The following DNAH11 variants were observed in gnomAD, a reference collection of about 807,000 sequenced individuals.
DNAH11 encodes the protein dynein axonemal heavy chain 11.
A neutral mutation model predicts 526.0 loss-of-function variants in DNAH11; 442 were observed. That is an observed-to-expected ratio of 0.84 (90% CI 0.78 to 0.91). DNAH11 has a LOEUF of 0.91. Among genes scored for constraint, DNAH11 ranks in the 40% least tolerant of loss-of-function variants. The pLI is 0.00. For missense variants in DNAH11, 6,989 were observed against 5,448.7 expected (o/e 1.28, Z -8.90); for synonymous variants, 2,461 against 1,935.9 (o/e 1.27, Z -7.12).
intron 73 of DNAH11, among the ~76,000 whole-genome samples, chr7:21,869,225 A>T (rs148797976): frequency 6.6e-6 from 1 of 152,208 alleles, no homozygotes; most frequent in Non-Finnish European, 1.5e-5. Flanking sequence ...AATTAAAACT[A>T]TTAGGAAGAA....
chr7:21,715,359 T>G lies in DNAH11; in HGVS notation c.6984-2416T>G, dbSNP rs182761435. Among the ~76,000 whole-genome samples, 636 of 152,310 alleles carry G rather than the reference T, an allele frequency of 4.2e-3. 4 individuals carry two copies. Among genetic ancestry groups the G allele is most frequent in the Middle Eastern group, 0.01 (3 of 294 alleles). On this transcript the variant is annotated intron_variant, in intron 42 of 81. Coordinates refer to ENST00000409508, the MANE Select transcript of DNAH11 (RefSeq NM_001277115.2). ...CAGTTCTGCAGGAAGGAGAAACAAC[T>G]GAGCTGCTGATAGGAGGACTCATTT...
At position 21,589,219 on chromosome 7, in the gene DNAH11, A is replaced by G. The variant is rs772972024; in HGVS notation, c.1985A>G (p.Asn662Ser). 4.4e-6 allele frequency: 7 copies of G among 1,603,462 alleles called. No individual in the cohort carries two copies. The South Asian group carries it at 5.7e-5, about 13-fold the overall frequency. The stretch of plus-strand genomic sequence containing the variant: ...CCTTATTCCTACAGATTTTTGGGCA[A>G]TCCTGATCACGCTTTAGTTTATCAA... Reference protein sequence around the residue: ...FASLRYLFLGNPDHALVYQKY... With the variant: ...FASLRYLFLGSPDHALVYQKY... Residue 662 changes from asparagine (N) to serine (S), a missense_variant, in exon 12 of 82, where the codon AAT becomes AGT. Asn to Ser is a conservative substitution (Grantham distance 46). Coordinates refer to ENST00000409508, the MANE Select transcript of DNAH11 (RefSeq NM_001277115.2).
intron 68 of DNAH11, among the ~76,000 whole-genome samples, chr7:21,854,781 G>C (rs1033558298): frequency 6.6e-6 from 1 of 151,948 alleles, no homozygotes; most frequent in Non-Finnish European, 1.5e-5. Flanking sequence ...GACCTCAAAT[G>C]ATCTCCCCTC....
chr7:21,761,021 T>A (rs1480231948), intron 54 of DNAH11, among the ~76,000 whole-genome samples: 1 of 152,212 alleles, frequency 6.6e-6, no homozygotes, highest in Admixed American at 6.5e-5. Flanking sequence ...GGGAAAATTA[T>A]TTGGAATGAT....
chr7:21,683,914 C>G lies in DNAH11; in HGVS notation c.5591C>G (p.Pro1864Arg), dbSNP rs367858452. 10 of 1,613,444 alleles carry G rather than the reference C, an allele frequency of 6.2e-6. No individual in the cohort carries two copies. The African/African-American group carries it at 1.3e-4, about 22-fold the overall frequency. ...QYFYEYLGNS[P>R]RLVITPLTDR... ...TTCTATGAATACTTAGGAAACAGCC[C>G]TCGACTAGTGATCACTCCTCTAACT... The change falls in exon 32 of 82, where the codon CCT (proline) becomes CGT (arginine). Residue 1864 changes from proline to arginine, a missense_variant. Coordinates refer to ENST00000409508, the MANE Select transcript of DNAH11 (RefSeq NM_001277115.2).
intron 58 of DNAH11, 70 bp from the exon 59 acceptor site, chr7:21,786,554 C>A (rs963681121): frequency 1.1e-5 from 17 of 1,503,558 alleles, no homozygotes; most frequent in Non-Finnish European, 1.4e-5. Context: ...CCTTGCTTGG[C>A]AACTTACAGA....
At chr7:21,758,585 G>A (rs966366969) in intron 54 of DNAH11, among the ~76,000 whole-genome samples, 2 of 152,080 alleles carry the variant, frequency 1.3e-5, no homozygotes, top group Non-Finnish European at 2.9e-5. Flanking sequence ...TCACAACGAT[G>A]TACTTGAGAG....
At chr7:21,772,333 T>TTG (rs1787473377) in intron 55 of DNAH11, among the ~76,000 whole-genome samples, 1 of 78,950 alleles carries the variant, frequency 1.3e-5, no homozygotes, top group African/African-American at 1.1e-4. Context: ...GGCCAGAGTG[T>TTG]TTTTTTTTTT....
In DNAH11 at chr7:21,558,938, T is replaced by C. The variant is rs1380657147; in HGVS notation, c.632T>C (p.Leu211Pro). 1.9e-6 allele frequency: 3 copies of C among 1,596,306 alleles called. No homozygotes were observed. The highest frequency in any genetic ancestry group is 2.6e-6 in the Non-Finnish European group (3 of 1,170,578). ...IFRGKMSRRT[L>P]LPIPTVAGKM... is the part of the protein sequence containing the mutation. Reference sequence around the variant, plus strand: ...AGGGGCAAAATGTCTAGAAGAACTCTTCTACCAATTCCCACTGTTGCAGGA... The same window carrying C: ...AGGGGCAAAATGTCTAGAAGAACTCCTCTACCAATTCCCACTGTTGCAGGA... The change falls in exon 3 of 82, where the codon CTT becomes CCT. Residue 211 changes from leucine (L) to proline (P), a missense_variant. By Grantham distance (98) the Leu-to-Pro change is moderately conservative. Coordinates refer to ENST00000409508, the MANE Select transcript of DNAH11 (RefSeq NM_001277115.2).
chr7:21,793,631 A>G (rs1306938842), intron 61 of DNAH11, among the ~76,000 whole-genome samples: 1 of 151,810 alleles, frequency 6.6e-6, no homozygotes, highest in Non-Finnish European at 1.5e-5. Flanking sequence ...AAAAAAAAAA[A>G]GAATTTGTAT....
intron 39 of DNAH11, among the ~76,000 whole-genome samples, chr7:21,707,048 T>G (rs6948826): frequency 0.018 from 2,677 of 152,308 alleles, 85 homozygotes; most frequent in African/African-American, 0.062. Context: ...GCTATCCTGC[T>G]CATTGAAAGA....
In DNAH11 at chr7:21,765,582, G is replaced by T; in HGVS notation, c.9095G>T (p.Gly3032Val). ...VSRRFIEETK[G>V]IEPVHKDSIS... ...AGGAGGTTCATTGAGGAAACCAAGG[G>T]AATTGAGGTATGCCGTGTCAGCCTG... Residue 3032 changes from glycine to valine, a missense_variant, in exon 55 of 82, where the codon GGA becomes GTA. Gly to Val is a moderately radical substitution (Grantham distance 109). Transcript: ENST00000409508. 6.5e-7 allele frequency: 1 copy of T among 1,541,480 alleles called. No individual in the cohort carries two copies. The highest frequency in any genetic ancestry group is 8.8e-7 in the Non-Finnish European group (1 of 1,130,872).
intron 57 of DNAH11, among the ~76,000 whole-genome samples, chr7:21,781,890 G>T (rs1787954595): frequency 6.6e-6 from 1 of 152,184 alleles, no homozygotes; most frequent in African/African-American, 2.4e-5. Flanking sequence ...GCAGATGGCT[G>T]CCTTCTTGCT....
At chr7:21,795,415 G>T (rs1055305158) in intron 61 of DNAH11, among the ~76,000 whole-genome samples, 1 of 152,128 alleles carries the variant, frequency 6.6e-6, no homozygotes, top group Non-Finnish European at 1.5e-5. Flanking sequence ...TACTTGATCA[G>T]TTTCCCTGTT....
intron 20 of DNAH11, among the ~76,000 whole-genome samples, chr7:21,609,130 C>G (rs1387927756): frequency 2.0e-5 from 3 of 152,220 alleles, no homozygotes; most frequent in Non-Finnish European, 4.4e-5. Context: ...CGTTTCTTCA[C>G]AGCCAAAGAT....
rs1173566325 is a variant in DNAH11 at position 21,871,031 on chromosome 7, A to T, written c.11967+2040A>T. On this transcript the variant is annotated intron_variant, in intron 73 of 81. Coordinates refer to ENST00000409508, the MANE Select transcript of DNAH11 (RefSeq NM_001277115.2). ...GTTATACTGTTCATAATTTACATTA[A>T]ATTACATTAACGTGGGTATATGATA... Among the ~76,000 whole-genome samples, 3 of 152,206 alleles carry T rather than the reference A, an allele frequency of 2.0e-5. No individual in the cohort carries two copies. The East Asian group carries it at 5.8e-4, about 29-fold the overall frequency.
At chr7:21,731,074 G>A (rs1334144743) in intron 45 of DNAH11, among the ~76,000 whole-genome samples, 1 of 152,030 alleles carries the variant, frequency 6.6e-6, no homozygotes, top group Non-Finnish European at 1.5e-5. Context: ...AACCTGGGAG[G>A]CAGAGGTTGC....
At chr7:21,877,874 C>CAAAAAA (rs59694030) in intron 74 of DNAH11, among the ~76,000 whole-genome samples, 26 of 66,588 alleles carry the variant, frequency 3.9e-4, no homozygotes, top group African/African-American at 6.9e-4. Context: ...GACTCCATCT[C>CAAAAAA]AAAAAAAAAA....
intron 22 of DNAH11, among the ~76,000 whole-genome samples, chr7:21,616,496 A>T (rs1011311602): frequency 2.0e-5 from 3 of 152,078 alleles, no homozygotes; most frequent in African/African-American, 7.2e-5. Context: ...ATAGAAGCAT[A>T]TTAGGGTTAA....
Sources: gnomAD v4.1 joint callset for allele counts (sites outside exome capture counted in the v4.1 genomes callset) on GRCh38, gnomAD v4.1.1 for gene constraint, MANE v1.5 for transcripts, NCBI Gene and HGNC (gene_info 2026-07-23, HGNC 2026-07-21) for gene names.